The following TACR1 variants were observed in gnomAD, a reference collection of about 807,000 sequenced individuals.
TACR1 encodes the protein substance-P receptor.
A neutral mutation model predicts 35.8 loss-of-function variants in TACR1; 25 were observed. The ratio of observed to expected loss-of-function variants is 0.70; its 90% CI spans 0.51 to 0.98. The LOEUF is 0.98. Ranked by LOEUF, TACR1 falls within the 50% of genes least tolerant of loss-of-function variation. The pLI, the probability that TACR1 is intolerant of heterozygous loss-of-function variation, is 0.00. For synonymous variants in TACR1, 195 were observed against 206.7 expected, an observed-to-expected ratio of 0.94 and a Z score of 0.48; for missense variants, 478 against 522.9, an observed-to-expected ratio of 0.91 and a Z score of 0.84.
intron 1 of TACR1, among the ~76,000 whole-genome samples, chr2:75,178,028 C>G (rs929450279): frequency 6.6e-6 from 1 of 152,038 alleles, no homozygotes; most frequent in African/African-American, 2.4e-5. Flanking sequence ...TAAAATCTAC[C>G]AGTCTATCTT....
intron 1 of TACR1, among the ~76,000 whole-genome samples, chr2:75,142,328 G>C (rs1572953826): frequency 6.6e-6 from 1 of 152,178 alleles, no homozygotes; most frequent in South Asian, 2.1e-4. Flanking sequence ...TTTCACAATA[G>C]CCTCTCTTAT....
chr2:75,185,607 A>G (rs1189269731), intron 1 of TACR1, among the ~76,000 whole-genome samples: 1 of 152,206 alleles, frequency 6.6e-6, no homozygotes, highest in Admixed American at 6.5e-5. Flanking sequence ...TATACTCACT[A>G]GTAAGAAGTG....
chr2:75,195,897 G>A (rs1169101876), intron 1 of TACR1, among the ~76,000 whole-genome samples: 1 of 152,026 alleles, frequency 6.6e-6, no homozygotes, highest in Non-Finnish European at 1.5e-5. Flanking sequence ...TAATACCAAT[G>A]GAAAAATATA....
intron 1 of TACR1, among the ~76,000 whole-genome samples, chr2:75,138,698 C>G (rs1182774874): frequency 1.3e-5 from 2 of 152,072 alleles, no homozygotes; most frequent in Non-Finnish European, 2.9e-5. Context: ...TGGCTCTGTC[C>G]TTATTGGTCA....
At chr2:75,178,327 G>C (rs1390010681) in intron 1 of TACR1, among the ~76,000 whole-genome samples, 1 of 151,952 alleles carries the variant, frequency 6.6e-6, no homozygotes, top group Non-Finnish European at 1.5e-5. Context: ...TGGGATTGCA[G>C]GCACCCTCCA....
chr2:75,198,123 C>G (rs1218943556), intron 1 of TACR1, among the ~76,000 whole-genome samples: 2 of 152,132 alleles, frequency 1.3e-5, no homozygotes, highest in African/African-American at 4.8e-5. Flanking sequence ...GGCTGTCTGA[C>G]AGAAAAACAG....
At chr2:75,184,824 T>C (rs964711124) in intron 1 of TACR1, among the ~76,000 whole-genome samples, 3 of 151,616 alleles carry the variant, frequency 2.0e-5, no homozygotes, top group African/African-American at 7.3e-5. Context: ...AGAAGAAAAA[T>C]GTAAAAAACT....
At chr2:75,151,255 A>AT (rs1674663197) in intron 1 of TACR1, among the ~76,000 whole-genome samples, 1 of 152,130 alleles carries the variant, frequency 6.6e-6, no homozygotes, top group Non-Finnish European at 1.5e-5. Flanking sequence ...CATGGGGAAA[A>AT]TGTCTCCAGG....
intron 2 of TACR1, among the ~76,000 whole-genome samples, chr2:75,072,820 C>T (rs776281591): frequency 1.7e-4 from 26 of 152,174 alleles, no homozygotes; most frequent in Non-Finnish European, 3.2e-4. Flanking sequence ...GGACTTTTTT[C>T]CTCAAATCTT....
At chr2:75,190,768 C>T (rs554292573) in intron 1 of TACR1, among the ~76,000 whole-genome samples, 3 of 152,246 alleles carry the variant, frequency 2.0e-5, no homozygotes, top group South Asian at 4.2e-4. Flanking sequence ...AGTGGTAGAA[C>T]CAGCACTGGA....
intron 1 of TACR1, among the ~76,000 whole-genome samples, chr2:75,173,761 C>A (rs1398825523): frequency 6.6e-6 from 1 of 152,190 alleles, no homozygotes; most frequent in Non-Finnish European, 1.5e-5. Context: ...ATTCATCATA[C>A]TTTTCCCTCA....
At chr2:75,097,680 A>C (rs1439973419) in intron 2 of TACR1, among the ~76,000 whole-genome samples, 1 of 152,206 alleles carries the variant, frequency 6.6e-6, no homozygotes, top group East Asian at 1.9e-4. Flanking sequence ...GCCCAGGGTC[A>C]CCCAAACTTG....
At chr2:75,165,717 G>A (rs933698001) in intron 1 of TACR1, among the ~76,000 whole-genome samples, 2 of 152,134 alleles carry the variant, frequency 1.3e-5, no homozygotes, top group Non-Finnish European at 2.9e-5. Flanking sequence ...GTGCGCCCAG[G>A]CTAACGCTGG....
chr2:75,175,693 G>C (rs1675395454), intron 1 of TACR1, among the ~76,000 whole-genome samples: 1 of 151,848 alleles, frequency 6.6e-6, no homozygotes, highest in African/African-American at 2.4e-5. Flanking sequence ...ATTACATTGA[G>C]CCCACCCAGA....
At chr2:75,161,895 AT>A in intron 1 of TACR1, among the ~76,000 whole-genome samples, 1 of 152,264 alleles carries the variant, frequency 6.6e-6, no homozygotes, top group Non-Finnish European at 1.5e-5. Flanking sequence ...ATATCTTCTC[AT>A]CAGTTCTGTG....
At position 75,060,969 on chromosome 2, in the gene TACR1, C is replaced by T. The variant is rs541016114; in HGVS notation, c.585-7214G>A. On this transcript the variant is annotated intron_variant, in intron 2 of 4. Coordinates refer to ENST00000305249, the MANE Select transcript of TACR1 (RefSeq NM_001058.4). ...AAGGTGACTGTCACTAGTGTGGGGA[C>T]CCAGGGAAGAGGAACAGGCTTGTCG... 1.7e-3 allele frequency among the ~76,000 whole-genome samples: 256 copies of T among 152,094 alleles called. 1 individual carries two copies. Among genetic ancestry groups the T allele is most frequent in the African/African-American group, 6.1e-3 (251 of 41,482 alleles).
intron 2 of TACR1, among the ~76,000 whole-genome samples, chr2:75,087,326 T>C (rs1673208908): frequency 6.6e-6 from 1 of 152,234 alleles, no homozygotes; most frequent in South Asian, 2.1e-4. Context: ...TAAGATGACC[T>C]GGTAACAGAT....
Position 75,048,937 on chromosome 2 carries a change from T to G in TACR1, c.*495A>C. 1 of 155,008 alleles carries G rather than the reference T, an allele frequency of 6.5e-6. No homozygotes were observed. Among genetic ancestry groups the G allele is most frequent in the Non-Finnish European group, 1.4e-5 (1 of 69,902 alleles). The allele number at this position is 155,008 out of a possible 1,614,324, so 9.6% of individuals were successfully genotyped here. ...GATGCTTAGAAGACAGGGCTAAATT[T>G]TTCATTTAGATGTTATGTGGTGCCT... On this transcript the variant is annotated 3_prime_UTR_variant, in exon 5 of 5. Coordinates refer to ENST00000305249, the MANE Select transcript of TACR1 (RefSeq NM_001058.4).
rs753146275 is a variant in TACR1, at chr2:75,198,556, C to A, written c.379G>T (p.Ala127Ser). 7 of 1,612,806 alleles carry A rather than the reference C, an allele frequency of 4.3e-6. No homozygotes were observed. The highest frequency in any genetic ancestry group is 5.9e-6 in the Non-Finnish European group (7 of 1,178,932). The change falls in exon 1 of 5, where the codon GCC becomes TCC. Residue 127 changes from alanine to serine, a missense_variant. By Grantham distance (99) the Ala-to-Ser change is moderately conservative. Coordinates refer to ENST00000305249, the MANE Select transcript of TACR1 (RefSeq NM_001058.4). ...FASIYSMTAV[A>S]FDRYMAIIHP... ...AAAGGCTAATCTCACCTATCAAAGG[C>A]CACAGCCGTCATGGAGTAGATACTG...
Sources: gnomAD v4.1 joint callset for allele counts (sites outside exome capture counted in the v4.1 genomes callset) on GRCh38, gnomAD v4.1.1 for gene constraint, MANE v1.5 for transcripts, NCBI Gene and HGNC (gene_info 2026-07-23, HGNC 2026-07-21) for gene names.